Variants in ZNF175 observed in about 807,000 individuals in gnomAD.
The protein encoded by ZNF175 is zinc finger protein 175.
A neutral mutation model predicts 14.0 loss-of-function variants in ZNF175; 8 were observed. The observed-to-expected ratio is 0.57, with a 90% CI of 0.34 to 1.03. The LOEUF (loss-of-function observed/expected upper bound fraction) is 1.03. ZNF175 is among the 50% of genes least tolerant of loss of function. ZNF175 has a pLI of 0.03. For missense variants in ZNF175, 764 were observed against 849.5 expected (o/e 0.90, Z 1.25); for synonymous variants, 255 against 296.8 (o/e 0.86, Z 1.45).
intron 2 of ZNF175, among the ~76,000 whole-genome samples, chr19:51,578,674 G>A (rs74495025): frequency 0.076 from 11,570 of 152,196 alleles, 566 homozygotes; most frequent in Middle Eastern, 0.17. Flanking sequence ...AGGCTGACAC[G>A]GGAGAATCAC....
chr19:51,576,809 T>A (rs1981804402), intron 2 of ZNF175, among the ~76,000 whole-genome samples: 1 of 151,974 alleles, frequency 6.6e-6, no homozygotes, highest in Non-Finnish European at 1.5e-5. Flanking sequence ...TCCTTTGGCT[T>A]TCTCTTCCAC....
rs1213967347 is a variant in ZNF175, at chr19:51,587,641, A to G, written c.1310A>G (p.His437Arg). Reference sequence around the variant, plus strand: ...ACCCAGAAGTCAACACTCAGCTTGCACCAGAGAATCCACTCAGGGCAGAAG... The same window carrying G: ...ACCCAGAAGTCAACACTCAGCTTGCGCCAGAGAATCCACTCAGGGCAGAAG... ...AFTQKSTLSL[H>R]QRIHSGQKSY... Residue 437 changes from histidine to arginine, a missense_variant, in exon 5 of 5, where the codon CAC (histidine) becomes CGC (arginine). His to Arg is a conservative substitution (Grantham distance 29). Coordinates refer to ENST00000262259, the MANE Select transcript of ZNF175 (RefSeq NM_007147.4). 1 of 1,614,128 alleles carries G rather than the reference A, an allele frequency of 6.2e-7. No homozygotes were observed. Among genetic ancestry groups the G allele is most frequent in the East Asian group, 2.2e-5 (1 of 44,878 alleles).
intron 2 of ZNF175, 118 bp from the exon 3 acceptor site, chr19:51,581,272 TG>T: frequency 7.1e-7 from 1 of 1,413,536 alleles, no homozygotes; most frequent in Non-Finnish European, 9.8e-7. Flanking sequence ...AGGTGTTTGG[TG>T]GGAAGCCTCT....
At chr19:51,586,447 G>T (rs1982164662) in intron 4 of ZNF175, among the ~76,000 whole-genome samples, 180 bp from the exon 5 acceptor site, 1 of 152,216 alleles carries the variant, frequency 6.6e-6, no homozygotes, top group African/African-American at 2.4e-5. Context: ...CATGCTAAGT[G>T]CTATGTAGAT....
Position 51,581,734 on chromosome 19 carries a change from C to A in ZNF175, c.200-53C>A, listed in dbSNP as rs1294657827. The A allele has an allele frequency of 1.9e-6, 3 of 1,591,740 alleles. No homozygotes were observed. The East Asian group carries it at 6.7e-5, about 36-fold the overall frequency. ...GCCAGTGTAAAGCTTCATTGAATGG[C>A]CTCTAAAACTGAAGAAGCTACACCC... On this transcript the variant is annotated intron_variant, in intron 3 of 4. Transcript: ENST00000262259.
At position 51,587,232 on chromosome 19, in the gene ZNF175, C is replaced by T. The variant is rs748957084; in HGVS notation, c.901C>T (p.His301Tyr). Residue 301 changes from histidine to tyrosine, a missense_variant, in exon 5 of 5, where the codon CAT becomes TAT. By Grantham distance (83) the His-to-Tyr change is moderately conservative (BLOSUM62 2). Coordinates refer to ENST00000262259, the MANE Select transcript of ZNF175 (RefSeq NM_007147.4). The stretch of plus-strand genomic sequence containing the variant: ...ACACCTCTTTGCCCAACAGAGAATT[C>T]ATAGTGTAGGAAACCTCCATGAATG... ...KSHLFAQQRI[H>Y]SVGNLHECGK... is the part of the protein sequence containing the mutation. 4 of 1,614,144 alleles carry T rather than the reference C, an allele frequency of 2.5e-6. No homozygotes were observed. The South Asian group carries it at 4.4e-5, about 18-fold the overall frequency.
Position 51,587,527 on chromosome 19 carries a change from G to A in ZNF175, c.1196G>A (p.Gly399Asp), listed in dbSNP as rs1381490687. 2 of 1,613,960 alleles carry A rather than the reference G, an allele frequency of 1.2e-6. No individual in the cohort carries two copies. Among genetic ancestry groups the A allele is most frequent in the Non-Finnish European group, 8.5e-7 (1 of 1,179,990 alleles). ...KLYECSECGK[G>D]FSQNSTLIIH... ...TATGAATGCAGTGAATGTGGCAAAG[G>A]CTTCTCCCAAAACTCAACCCTCATT... The change falls in exon 5 of 5, where the codon GGC (glycine) becomes GAC (aspartate). Residue 399 changes from glycine (G) to aspartate (D), a missense_variant. Physicochemically the swap from Gly to Asp is moderately conservative, Grantham distance 94. Coordinates refer to ENST00000262259, the MANE Select transcript of ZNF175 (RefSeq NM_007147.4).
intron 1 of ZNF175, among the ~76,000 whole-genome samples, chr19:51,572,315 C>T (rs1450221221): frequency 6.6e-6 from 1 of 152,188 alleles, no homozygotes; most frequent in East Asian, 1.9e-4. Flanking sequence ...TCAGTCCTGT[C>T]AGTGATTGCA....
At chr19:51,577,350 T>G (rs1981824306) in intron 2 of ZNF175, among the ~76,000 whole-genome samples, 2 of 152,314 alleles carry the variant, frequency 1.3e-5, no homozygotes, top group South Asian at 4.1e-4. Context: ...TTTAAGCTGT[T>G]AGTCTCCATT....
chr19:51,581,990 C>A, intron 4 of ZNF175, 108 bp downstream of exon 4: 2 of 961,514 alleles, frequency 2.1e-6, no homozygotes, highest in Non-Finnish European at 3.2e-6. Context: ...CCGTAGATTG[C>A]CTCCTACTCC....
intron 2 of ZNF175, chr19:51,573,742 A>G (rs532302986): frequency 1.3e-5 from 5 of 391,102 alleles, no homozygotes; most frequent in South Asian, 1.0e-4. Context: ...AAAAATTTCA[A>G]GTGGTCCCCC....
rs779795145 is a variant in ZNF175, at chr19:51,588,329, G to T, written c.1998G>T (p.Thr666=). 1.2e-6 allele frequency: 2 copies of T among 1,613,982 alleles called. No homozygotes were observed. Among genetic ancestry groups the T allele is most frequent in the African/African-American group, 2.7e-5 (2 of 74,898 alleles). Residue 666 remains threonine, a synonymous_variant, in exon 5 of 5, where the codon ACG becomes ACT. Transcript: ENST00000262259. ...TCAAGGTGCATCAGCGAATTCACAC[G>T]GGAGAAAGACCTTATGTGTGTTCTG... ...PQLKVHQRIH[T]GERPYVCSEC...
chr19:51,574,758 T>C (rs1321237940), intron 2 of ZNF175, among the ~76,000 whole-genome samples: 1 of 152,216 alleles, frequency 6.6e-6, no homozygotes, highest in Admixed American at 6.5e-5. Flanking sequence ...GCATTGATGT[T>C]GGTCAACTTG....
chr19:51,577,070 G>C (rs557950501), intron 2 of ZNF175, among the ~76,000 whole-genome samples: 1 of 152,232 alleles, frequency 6.6e-6, no homozygotes, highest in South Asian at 2.1e-4. Flanking sequence ...CAAAAGACCT[G>C]AGAGGTTTAC....
intron 2 of ZNF175, among the ~76,000 whole-genome samples, chr19:51,576,446 G>A (rs187088012): frequency 2.0e-5 from 3 of 152,196 alleles, no homozygotes; most frequent in African/African-American, 7.2e-5. Flanking sequence ...CACCACACCC[G>A]GCCTTCAGGA....
At position 51,588,354 on chromosome 19, in the gene ZNF175, G is replaced by GAA. The variant is rs747097459; in HGVS notation, c.2024_2025dup (p.Cys676AsnfsTer31). The GAA allele has an allele frequency of 6.2e-7, 1 of 1,613,914 alleles. No individual in the cohort carries two copies. Among genetic ancestry groups the GAA allele is most frequent in the African/African-American group, 1.3e-5 (1 of 74,912 alleles). On this transcript the variant is annotated frameshift_variant, in exon 5 of 5. Transcript: ENST00000262259. LOFTEE classifies it low-confidence loss of function (END_TRUNC). ...GGGAGAAAGACCTTATGTGTGTTCT[G>GAA]AATGTGGAAAGGCCTTCAACAACAG...
Position 51,587,275 on chromosome 19 carries a change from C to A in ZNF175, c.944C>A (p.Ala315Asp), listed in dbSNP as rs201671937. The part of the protein sequence containing the change: ...NLHECGKCGK[A>D]FMPQLKLSVY... ...CATGAATGTGGCAAATGTGGAAAAG[C>A]CTTCATGCCACAACTAAAACTCAGT... The change falls in exon 5 of 5, where the codon GCC (alanine) becomes GAC (aspartate). Residue 315 changes from alanine to aspartate, a missense_variant. Coordinates refer to ENST00000262259, the MANE Select transcript of ZNF175 (RefSeq NM_007147.4). The A allele has an allele frequency of 3.7e-5, 59 of 1,613,992 alleles. No individual in the cohort carries two copies. Among genetic ancestry groups the A allele is most frequent in the Non-Finnish European group, 4.7e-5 (56 of 1,180,040 alleles).
intron 4 of ZNF175, among the ~76,000 whole-genome samples, chr19:51,584,842 G>A (rs1182088198): frequency 3.3e-5 from 5 of 152,154 alleles, no homozygotes; most frequent in Admixed American, 3.3e-4. Context: ...ACAAGTGTTG[G>A]CAAGGATATA....
intron 2 of ZNF175, among the ~76,000 whole-genome samples, chr19:51,577,788 C>G (rs1031545538): frequency 1.3e-5 from 2 of 151,542 alleles, no homozygotes; most frequent in East Asian, 3.9e-4. Flanking sequence ...TTCAGCCTCC[C>G]GAGTAGCTGG....
Sources: gnomAD v4.1 joint callset for allele counts (sites outside exome capture counted in the v4.1 genomes callset) on GRCh38, gnomAD v4.1.1 for gene constraint, MANE v1.5 for transcripts, NCBI Gene and HGNC (gene_info 2026-07-23, HGNC 2026-07-21) for gene names.